Variants in KCNIP4 observed in about 807,000 individuals in gnomAD.
KCNIP4 encodes potassium voltage-gated channel interacting protein 4, also known as Kv channel-interacting protein 4.
In KCNIP4, 12 loss-of-function variants were observed where a neutral mutation model predicts 34.0. The observed-to-expected ratio is 0.35, with a 90% CI of 0.23 to 0.57. The LOEUF is 0.57. Ranked by LOEUF, KCNIP4 falls within the 20% of genes least tolerant of loss-of-function variation. The pLI, the probability that KCNIP4 is intolerant of heterozygous loss-of-function variation, is 0.83. For synonymous variants in KCNIP4, 124 were observed against 102.2 expected, an observed-to-expected ratio of 1.21 and a Z score of -1.29; for missense variants, 238 against 311.7, an observed-to-expected ratio of 0.76 and a Z score of 1.78.
chr4:21,609,445 A>C (rs886183751), intron 1 of KCNIP4, among the ~76,000 whole-genome samples: 1 of 152,180 alleles, frequency 6.6e-6, no homozygotes, highest in Non-Finnish European at 1.5e-5. Flanking sequence ...CATGAGTTAC[A>C]GTTAATATGG....
chr4:21,106,687 G>A (rs1363928258), intron 1 of KCNIP4, among the ~76,000 whole-genome samples: 1 of 151,444 alleles, frequency 6.6e-6, no homozygotes, highest in Admixed American at 6.6e-5. Context: ...TAATTGTAAC[G>A]TTAGGGTGTC....
intron 1 of KCNIP4, among the ~76,000 whole-genome samples, chr4:20,907,858 C>T (rs1320133728): frequency 1.3e-5 from 2 of 151,932 alleles, no homozygotes; most frequent in African/African-American, 4.8e-5. Context: ...GCTGGGACTA[C>T]AGGCGCCCGC....
chr4:20,920,686 G>A (rs1327323278), intron 1 of KCNIP4, among the ~76,000 whole-genome samples: 6 of 152,158 alleles, frequency 3.9e-5, no homozygotes, highest in Non-Finnish European at 5.9e-5. Flanking sequence ...TGATCCACTT[G>A]CATTTTAAAA....
chr4:21,301,309 T>C (rs1226398733), intron 1 of KCNIP4, among the ~76,000 whole-genome samples: 1 of 152,162 alleles, frequency 6.6e-6, no homozygotes, highest in Non-Finnish European at 1.5e-5. Flanking sequence ...ATTTTATATG[T>C]CCTTCAGAAC....
intron 1 of KCNIP4, among the ~76,000 whole-genome samples, chr4:21,759,537 T>A (rs559519375): frequency 6.6e-6 from 1 of 152,194 alleles, no homozygotes; most frequent in Non-Finnish European, 1.5e-5. Context: ...CTACTTTTCA[T>A]AGACATCAGA....
chr4:21,645,504 T>A (rs1416948775), intron 1 of KCNIP4, among the ~76,000 whole-genome samples: 1 of 152,224 alleles, frequency 6.6e-6, no homozygotes, highest in African/African-American at 2.4e-5. Flanking sequence ...TAGTGCACTT[T>A]ATTCTCGTTA....
At chr4:21,577,366 A>G (rs1315284069) in intron 1 of KCNIP4, among the ~76,000 whole-genome samples, 1 of 152,028 alleles carries the variant, frequency 6.6e-6, no homozygotes, top group Non-Finnish European at 1.5e-5. Context: ...ACTGTGGCTC[A>G]CCCCTGTAAT....
intron 1 of KCNIP4, among the ~76,000 whole-genome samples, chr4:21,773,563 A>T (rs1167480090): frequency 2.0e-5 from 3 of 152,086 alleles, no homozygotes; most frequent in Non-Finnish European, 4.4e-5. Context: ...GTCTCTTTAT[A>T]GTCTCTAAGA....
chr4:21,504,336 C>A (rs972012327), intron 1 of KCNIP4, among the ~76,000 whole-genome samples: 2 of 151,516 alleles, frequency 1.3e-5, no homozygotes, highest in Non-Finnish European at 2.9e-5. Context: ...GGCATGGTGG[C>A]GCGTGCCTGT....
At chr4:21,681,396 C>G (rs564528739) in intron 1 of KCNIP4, among the ~76,000 whole-genome samples, 2 of 151,920 alleles carry the variant, frequency 1.3e-5, no homozygotes, top group African/African-American at 4.8e-5. Flanking sequence ...CATGAGCCAC[C>G]GTGCCCAGCC....
intron 1 of KCNIP4, among the ~76,000 whole-genome samples, chr4:21,054,369 A>C (rs1743215143): frequency 6.6e-6 from 1 of 152,052 alleles, no homozygotes; most frequent in Non-Finnish European, 1.5e-5. Context: ...AAATACAAAA[A>C]TTAGCCAGGC....
intron 1 of KCNIP4, among the ~76,000 whole-genome samples, chr4:21,837,532 C>CAAAAAAAAAA (rs60449238): frequency 0.043 from 3,330 of 78,088 alleles, 195 homozygotes; most frequent in East Asian, 0.2. Context: ...AAAACGCTGT[C>CAAAAAAAAAA]AAAAAAAAAA....
At chr4:20,840,132 A>T (rs1213393184) in intron 3 of KCNIP4, among the ~76,000 whole-genome samples, 1 of 152,188 alleles carries the variant, frequency 6.6e-6, no homozygotes, top group Admixed American at 6.5e-5. Context: ...AACATTTTAT[A>T]AATGCTATCA....
At chr4:21,553,337 C>T (rs763219998) in intron 1 of KCNIP4, among the ~76,000 whole-genome samples, 144 of 152,166 alleles carry the variant, frequency 9.5e-4, no homozygotes, top group Non-Finnish European at 1.6e-3. Flanking sequence ...CTGGCAGAGG[C>T]GTTGAGAGAA....
intron 1 of KCNIP4, among the ~76,000 whole-genome samples, chr4:21,320,940 G>A (rs1039325774): frequency 2.4e-5 from 3 of 124,148 alleles, no homozygotes; most frequent in African/African-American, 1.1e-4. Context: ...ACTCAAGCCT[G>A]GGCAATAGAG....
chr4:21,460,186 C>T (rs1461426431), intron 1 of KCNIP4, among the ~76,000 whole-genome samples: 1 of 150,948 alleles, frequency 6.6e-6, no homozygotes, highest in Non-Finnish European at 1.5e-5. Context: ...CAGTTCCAAG[C>T]ATCCTGCGGC....
At chr4:21,588,684 TG>T (rs1354023583) in intron 1 of KCNIP4, among the ~76,000 whole-genome samples, 1 of 151,862 alleles carries the variant, frequency 6.6e-6, no homozygotes, top group Non-Finnish European at 1.5e-5. Context: ...TAGCTGGTAA[TG>T]GAAGGAACAA....
chr4:20,826,414 A>T (rs567454584), intron 3 of KCNIP4, among the ~76,000 whole-genome samples: 67 of 145,056 alleles, frequency 4.6e-4, no homozygotes, highest in African/African-American at 1.5e-3. Context: ...CATCTCTAAA[A>T]TTTTTTTTTT....
chr4:21,070,016 G>A (rs1744745914), intron 1 of KCNIP4, among the ~76,000 whole-genome samples: 1 of 152,048 alleles, frequency 6.6e-6, no homozygotes, highest in Admixed American at 6.6e-5. Flanking sequence ...TCCTGACTCT[G>A]GGCAATCACT....
Sources: gnomAD v4.1 joint callset for allele counts (sites outside exome capture counted in the v4.1 genomes callset) on GRCh38, gnomAD v4.1.1 for gene constraint, MANE v1.5 for transcripts, NCBI Gene and HGNC (gene_info 2026-07-23, HGNC 2026-07-21) for gene names.